Variants in ZNF730 observed in about 807,000 individuals in gnomAD.
The protein encoded by ZNF730 is zinc finger protein 730.
A neutral mutation model predicts 12.6 loss-of-function variants in ZNF730; 12 were observed. The observed-to-expected ratio is 0.95, with a 90% CI of 0.61 to 1.54. ZNF730 has a LOEUF of 1.54. Among genes scored for constraint, ZNF730 ranks in the 40% most tolerant of loss-of-function variants. ZNF730 has a pLI of 0.00. For synonymous variants in ZNF730, 194 were observed against 195.8 expected (o/e 0.99, Z 0.08); for missense variants, 643 against 583.5 (o/e 1.10, Z -1.05).
At chr19:23,088,992 C>T (rs1970111746) in intron 1 of ZNF730, among the ~76,000 whole-genome samples, 1 of 151,318 alleles carries the variant, frequency 6.6e-6, no homozygotes, top group African/African-American at 2.4e-5. Context: ...TCTTCCTCAG[C>T]CTCTCGAGTA....
chr19:23,123,053 G>A (rs570573414), intron 1 of ZNF730: 1 of 152,230 alleles, frequency 6.6e-6, no homozygotes, highest in Admixed American at 6.5e-5. Context: ...CACTGAATTT[G>A]AATGCTGCTT....
At chr19:23,095,632 C>T (rs554068016) in intron 1 of ZNF730, 25 of 389,562 alleles carry the variant, frequency 6.4e-5, no homozygotes, top group Non-Finnish European at 1.0e-4. Flanking sequence ...CCTCAGAAGC[C>T]GTGGTGGTGT....
At chr19:23,096,672 G>T (rs1254243831) in intron 1 of ZNF730, among the ~76,000 whole-genome samples, 1 of 152,112 alleles carries the variant, frequency 6.6e-6, no homozygotes, top group East Asian at 1.9e-4. Flanking sequence ...TCATTTAGGT[G>T]ATGTGACCCT....
upstream of ZNF730, among the ~76,000 whole-genome samples, chr19:23,116,386 T>C (rs1238896497): frequency 6.6e-6 from 1 of 150,382 alleles, no homozygotes; most frequent in African/African-American, 2.5e-5. Flanking sequence ...TTTCTTTTTC[T>C]CTCTCTCTTT....
At chr19:23,131,911 T>C (rs914423474) in intron 1 of ZNF730, among the ~76,000 whole-genome samples, 3 of 152,038 alleles carry the variant, frequency 2.0e-5, no homozygotes, top group African/African-American at 4.8e-5. Flanking sequence ...AGTATGAGGG[T>C]TCAAGATACA....
chr19:23,126,334 T>G (rs1449745474), intron 1 of ZNF730, among the ~76,000 whole-genome samples: 2 of 152,168 alleles, frequency 1.3e-5, no homozygotes, highest in Non-Finnish European at 2.9e-5. Context: ...CTTCTGAGTA[T>G]GATGAGTGCA....
At chr19:23,117,522 G>C (rs1970546821) in intron 1 of ZNF730, among the ~76,000 whole-genome samples, 1 of 152,188 alleles carries the variant, frequency 6.6e-6, no homozygotes, top group African/African-American at 2.4e-5. Context: ...TGAATGGGAA[G>C]AGCTTTGGTC....
upstream of ZNF730, among the ~76,000 whole-genome samples, chr19:23,112,765 T>G (rs1030459932): frequency 6.6e-6 from 1 of 150,898 alleles, no homozygotes; most frequent in African/African-American, 2.4e-5. Context: ...AAGGCCAATA[T>G]GGGTGAGAAA....
At chr19:23,107,568 G>C (rs1282322991) in intron 1 of ZNF730, among the ~76,000 whole-genome samples, 1 of 149,722 alleles carries the variant, frequency 6.7e-6, no homozygotes, top group Admixed American at 6.7e-5. Flanking sequence ...AGCTCAAGCA[G>C]TTTGTCCCTT....
At chr19:23,095,317 G>A (rs77070846) in intron 1 of ZNF730, 487 of 398,466 alleles carry the variant, frequency 1.2e-3, no homozygotes, top group Non-Finnish European at 1.8e-3. Flanking sequence ...ACTCTCCTGC[G>A]TGTGCCCTGT....
At chr19:23,100,836 A>G (rs1388043382) in intron 1 of ZNF730, among the ~76,000 whole-genome samples, 2 of 151,726 alleles carry the variant, frequency 1.3e-5, no homozygotes, top group Non-Finnish European at 1.5e-5. Flanking sequence ...TTGTATTTTA[A>G]GTAGAGACAG....
intron 1 of ZNF730, among the ~76,000 whole-genome samples, chr19:23,122,820 TC>T (rs1445568862): frequency 6.6e-6 from 1 of 152,208 alleles, no homozygotes; most frequent in Non-Finnish European, 1.5e-5. Context: ...TTATTTATAC[TC>T]TTGAAATATA....
At chr19:23,109,465 G>T (rs895941574) in intron 1 of ZNF730, among the ~76,000 whole-genome samples, 1 of 151,240 alleles carries the variant, frequency 6.6e-6, no homozygotes, top group African/African-American at 2.4e-5. Flanking sequence ...CTGGAGTGCA[G>T]TTGTGAGATG....
rs533378109 is a variant in ZNF730, at chr19:23,082,714, T to A, written c.-94+7327T>A. ...TACCACATTTTCTTTTTTCATTTTT[T>A]TTTTGAGACAAAATCTCGCTCTTGT... On this transcript the variant is annotated intron_variant, in intron 1 of 2. Transcript: ENST00000593635. 2.6e-5 allele frequency among the ~76,000 whole-genome samples: 4 copies of A among 152,180 alleles called. No individual in the cohort carries two copies. The South Asian group carries it at 8.3e-4, about 32-fold the overall frequency.
intron 1 of ZNF730, among the ~76,000 whole-genome samples, chr19:23,122,069 T>A (rs978596416): frequency 1.4e-4 from 21 of 151,536 alleles, no homozygotes; most frequent in Admixed American, 3.9e-4. Context: ...TGGCAAAGGT[T>A]TTTTTTTGTT....
At chr19:23,084,235 T>C (rs1018463357) in intron 1 of ZNF730, among the ~76,000 whole-genome samples, 1 of 152,220 alleles carries the variant, frequency 6.6e-6, no homozygotes, top group Non-Finnish European at 1.5e-5. Context: ...TTTAGGTGCA[T>C]AGATTTGTTT....
chr19:23,105,365 C>T (rs918919051), intron 1 of ZNF730, among the ~76,000 whole-genome samples: 3 of 152,100 alleles, frequency 2.0e-5, no homozygotes, highest in South Asian at 2.1e-4. Flanking sequence ...CCACCCACTT[C>T]GGCCTCCAAA....
At chr19:23,133,584 C>T (rs1418709963) in intron 1 of ZNF730, among the ~76,000 whole-genome samples, 2 of 152,120 alleles carry the variant, frequency 1.3e-5, no homozygotes, top group African/African-American at 2.4e-5. Context: ...TCAGGTGATC[C>T]GCCTGCCTCG....
intron 1 of ZNF730, among the ~76,000 whole-genome samples, chr19:23,085,463 G>A (rs994116459): frequency 2.3e-5 from 3 of 130,804 alleles, no homozygotes; most frequent in African/African-American, 8.8e-5. Flanking sequence ...CTCCCAAAGT[G>A]CTGGGATTAC....
Sources: allele counts gnomAD v4.1 joint callset (sites outside exome capture counted in the v4.1 genomes callset), GRCh38; gene constraint gnomAD v4.1.1; transcripts MANE v1.5; gene names NCBI Gene and HGNC (gene_info 2026-07-23, HGNC 2026-07-21).